The following AKR1E2 variants were observed in gnomAD, a reference collection of about 807,000 sequenced individuals.
The protein encoded by AKR1E2 is aldo-keto reductase family 1 member E2.
A neutral mutation model predicts 41.9 loss-of-function variants in AKR1E2; 43 were observed. The observed-to-expected ratio is 1.03, with a 90% CI of 0.80 to 1.32. AKR1E2 has a LOEUF of 1.32. AKR1E2 is among the 40% of genes most tolerant of loss of function. The pLI is 0.00. For synonymous variants in AKR1E2, 121 were observed against 138.9 expected (o/e 0.87, Z 0.91); for missense variants, 423 against 396.5 (o/e 1.07, Z -0.57).
chr10:4,841,499 C>T (rs144842413), intron 6 of AKR1E2, among the ~76,000 whole-genome samples: 1 of 152,168 alleles, frequency 6.6e-6, no homozygotes, highest in African/African-American at 2.4e-5. Flanking sequence ...CTTGAGAGCC[C>T]ACTGGCTGCA....
chr10:4,830,110 T>A (rs1832854496), intron 1 of AKR1E2, among the ~76,000 whole-genome samples: 1 of 152,184 alleles, frequency 6.6e-6, no homozygotes, highest in Non-Finnish European at 1.5e-5. Flanking sequence ...CAGTCTTCAG[T>A]TTAATGAGAC....
the AKR1E2 span, among the ~76,000 whole-genome samples, chr10:4,870,917 G>A: frequency 6.6e-6 from 1 of 151,948 alleles, no homozygotes; most frequent in Non-Finnish European, 1.5e-5. Context: ...GGATTTGATG[G>A]CATGAACGTT....
downstream of AKR1E2, among the ~76,000 whole-genome samples, chr10:4,850,940 T>C (rs1355535464): frequency 6.6e-6 from 1 of 152,258 alleles, no homozygotes; most frequent in Non-Finnish European, 1.5e-5. Context: ...AGACATCTAA[T>C]ATGCACCTTA....
chr10:4,847,539 C>T lies in AKR1E2; in HGVS notation c.*9C>T, dbSNP rs758355359. The T allele has an allele frequency of 5.6e-6, 9 of 1,613,524 alleles. No individual in the cohort carries two copies. The African/African-American group carries it at 9.3e-5, about 17-fold the overall frequency. ...TCCACATAGAATACTGAGGACGCTT[C>T]CCCTTCCTTGTTTCTGCTCAGCCCA... On this transcript the variant is annotated 3_prime_UTR_variant, in exon 10 of 10. Transcript: ENST00000298375.
At chr10:4,867,446 T>C in the AKR1E2 span, among the ~76,000 whole-genome samples, 2 of 152,260 alleles carry the variant, frequency 1.3e-5, no homozygotes, top group African/African-American at 4.8e-5. Flanking sequence ...AGCTGTCTTC[T>C]GCCTCTGCTG....
intron 8 of AKR1E2, among the ~76,000 whole-genome samples, chr10:4,845,604 C>T (rs1191450185): frequency 6.6e-6 from 1 of 152,218 alleles, no homozygotes; most frequent in East Asian, 1.9e-4. Context: ...ATCTGACCCT[C>T]CCATGGGAGG....
intron 4 of AKR1E2, among the ~76,000 whole-genome samples, chr10:4,836,403 T>C (rs2961582): frequency 0.89 from 135,152 of 152,156 alleles, 61,053 homozygotes; most frequent in East Asian, 0.98. Context: ...TCCTGGAAGT[T>C]GACCCACAGG....
chr10:4,864,765 A>T, the AKR1E2 span, among the ~76,000 whole-genome samples: 1 of 152,210 alleles, frequency 6.6e-6, no homozygotes, highest in South Asian at 2.1e-4. Context: ...GCAAAGTCTC[A>T]GGATACAAAA....
At chr10:4,832,852 T>C (rs1387657804) in intron 2 of AKR1E2, among the ~76,000 whole-genome samples, 1 of 152,230 alleles carries the variant, frequency 6.6e-6, no homozygotes, top group Non-Finnish European at 1.5e-5. Context: ...CAAGTTTTTC[T>C]ACATAATGAG....
At chr10:4,838,206 C>T (rs927899728) in intron 5 of AKR1E2, among the ~76,000 whole-genome samples, 9 of 152,362 alleles carry the variant, frequency 5.9e-5, no homozygotes, top group African/African-American at 2.2e-4. Context: ...GTAAACAGCA[C>T]GTCCAGTGCC....
rs1007579282 is a variant in AKR1E2 at position 4,839,769 on chromosome 10, G to A, written c.623G>A (p.Ser208Asn). 2 of 1,613,912 alleles carry A rather than the reference G, an allele frequency of 1.2e-6. No homozygotes were observed. Among genetic ancestry groups the A allele is most frequent in the Non-Finnish European group, 1.7e-6 (2 of 1,180,004 alleles). Reference sequence around the variant, plus strand: ...TATCTTACTCAGAAGAATCTGATCAGTTTTTGCCAATCCAGAGATGTGTCC... The same window carrying A: ...TATCTTACTCAGAAGAATCTGATCAATTTTTGCCAATCCAGAGATGTGTCC... ...HPYLTQKNLI[S>N]FCQSRDVSVT... The change falls in exon 6 of 10, where the codon AGT (serine) becomes AAT (asparagine). Residue 208 changes from serine to asparagine, a missense_variant. By Grantham distance (46) the Ser-to-Asn change is conservative. Coordinates refer to ENST00000298375, the MANE Select transcript of AKR1E2 (RefSeq NM_001040177.3).
chr10:4,862,822 T>C, the AKR1E2 span, among the ~76,000 whole-genome samples: 1 of 152,232 alleles, frequency 6.6e-6, no homozygotes, highest in African/African-American at 2.4e-5. Flanking sequence ...TCCTAGTCTC[T>C]GATAAAATGG....
At chr10:4,826,200 G>A, upstream of AKR1E2, 1 of 693,106 alleles carries the variant, frequency 1.4e-6, no homozygotes, top group Non-Finnish European at 2.0e-6. Context: ...TTGTCGGAGT[G>A]TCAGCCGTCA....
At chr10:4,872,305 A>C in the AKR1E2 span, among the ~76,000 whole-genome samples, 3 of 152,194 alleles carry the variant, frequency 2.0e-5, no homozygotes, top group African/African-American at 7.2e-5. Context: ...AAGTTAATAA[A>C]TATTTTAAGG....
chr10:4,827,220 T>C (rs930712778), intron 1 of AKR1E2, among the ~76,000 whole-genome samples: 10 of 152,116 alleles, frequency 6.6e-5, no homozygotes, highest in Non-Finnish European at 1.0e-4. Flanking sequence ...ATTTATGGGG[T>C]GCAGCGTAAT....
At chr10:4,858,353 C>CTTCA in the AKR1E2 span, among the ~76,000 whole-genome samples, 69 of 152,166 alleles carry the variant, frequency 4.5e-4, no homozygotes, top group East Asian at 3.1e-3. Flanking sequence ...TCATTTATTT[C>CTTCA]TTCATTCATT....
At chr10:4,839,857 A>G (rs1236709773) in intron 6 of AKR1E2, 31 bp downstream of exon 6, 1 of 1,587,234 alleles carries the variant, frequency 6.3e-7, no homozygotes, top group Non-Finnish European at 8.7e-7. Flanking sequence ...TGTTAGTCAG[A>G]GTCCGACTGG....
chr10:4,834,672 T>C (rs1043026016), intron 3 of AKR1E2, among the ~76,000 whole-genome samples: 3 of 152,228 alleles, frequency 2.0e-5, no homozygotes, highest in African/African-American at 7.2e-5. Flanking sequence ...TTAAGTTAGA[T>C]TATTGGAGCC....
intron 9 of AKR1E2, 106 bp downstream of exon 9, chr10:4,847,336 C>CTCATTATAA (rs1381982894): frequency 1.0e-4 from 159 of 1,557,994 alleles, no homozygotes; most frequent in Non-Finnish European, 1.3e-4. Context: ...ATTAAACTTT[C>CTCATTATAA]TCATTATAAT....
Sources: allele counts gnomAD v4.1 joint callset (sites outside exome capture counted in the v4.1 genomes callset), GRCh38; gene constraint gnomAD v4.1.1; transcripts MANE v1.5; gene names NCBI Gene and HGNC (gene_info 2026-07-23, HGNC 2026-07-21).